Variants in CCDC93 observed in about 807,000 individuals in gnomAD.
CCDC93 encodes the protein coiled-coil domain-containing protein 93.
CCDC93 carries 61 observed loss-of-function variants against 108.2 expected under a neutral mutation model. The observed-to-expected ratio is 0.56, with a 90% confidence interval of 0.46 to 0.70. The LOEUF is 0.70. Among genes scored for constraint, CCDC93 ranks in the 30% least tolerant of loss-of-function variants. The pLI is 0.00. For synonymous variants in CCDC93, 276 were observed against 260.4 expected (o/e 1.06, Z -0.58); for missense variants, 685 against 764.2 (o/e 0.90, Z 1.22).
intron 23 of CCDC93, among the ~76,000 whole-genome samples, chr2:117,924,606 T>C (rs1045495054): frequency 2.6e-5 from 4 of 151,972 alleles, no homozygotes; most frequent in Middle Eastern, 3.2e-3. Flanking sequence ...ATGACCAAAG[T>C]CTCCAAGAAA....
In CCDC93 at chr2:117,915,965, C is replaced by CTA. The variant is rs1362931058; in HGVS notation, c.*4377_*4378insTA. ...TGGCCATAATGTATTTAACCATTCCCCTGTATTGGTGGCACTCTCCAACTT... is the reference window on the plus strand; with the variant it reads ...TGGCCATAATGTATTTAACCATTCCCTACTGTATTGGTGGCACTCTCCAACTT... On this transcript the variant is annotated 3_prime_UTR_variant, in exon 24 of 24. Transcript: ENST00000376300. 6.6e-6 allele frequency: 1 copy of CTA among 152,188 alleles called. No individual in the cohort carries two copies. The highest frequency in any genetic ancestry group is 2.4e-5 in the African/African-American group (1 of 41,442). The allele number at this position is 152,188 out of a possible 1,614,324, so 9.4% of individuals were successfully genotyped here. A position where few individuals can be genotyped will look rare whatever the true frequency, so the allele number is the denominator to read the frequency against.
chr2:117,920,351 C>T lies in CCDC93; in HGVS notation c.1888G>A (p.Ala630Thr), dbSNP rs766363594. The change falls in exon 24 of 24, where the codon GCC becomes ACC. Residue 630 changes from alanine (A) to threonine (T), a missense_variant. Coordinates refer to ENST00000376300, the MANE Select transcript of CCDC93 (RefSeq NM_019044.5). ...EMLLSKVKAK[A>T]S is the part of the protein sequence containing the mutation. ...GCCACGGCTGGGGATGTTCAGGAGGCCTTCGCTTTCACCTTGGACAGCAGC... is the reference window on the plus strand; with the variant it reads ...GCCACGGCTGGGGATGTTCAGGAGGTCTTCGCTTTCACCTTGGACAGCAGC... The T allele has an allele frequency of 3.7e-6, 6 of 1,612,364 alleles. No homozygotes were observed. In the East Asian group the frequency reaches 1.1e-4, roughly 30 times the overall value.
intron 11 of CCDC93, among the ~76,000 whole-genome samples, chr2:117,968,032 C>T (rs906898511): frequency 6.6e-6 from 1 of 152,154 alleles, no homozygotes; most frequent in Non-Finnish European, 1.5e-5. Context: ...AAATCTGTGC[C>T]TCTAGAGCTA....
chr2:117,934,933 C>T (rs1678474200), intron 22 of CCDC93: 1 of 152,206 alleles, frequency 6.6e-6, no homozygotes. Flanking sequence ...CCATGCTGCA[C>T]CCTGACTGAG....
rs563931974 is a variant in CCDC93 at position 117,948,530 on chromosome 2, T to G, written c.1143-344A>C. On this transcript the variant is annotated intron_variant, in intron 14 of 23. Transcript: ENST00000376300. ...GGGGCATATACAGTATTGAAAACTA[T>G]TTTTAAAATCCATTCTGAAAAGGAA... 3.3e-5 allele frequency among the ~76,000 whole-genome samples: 5 copies of G among 152,346 alleles called. No individual in the cohort carries two copies. In the East Asian group the frequency reaches 9.6e-4, roughly 29 times the overall value.
intron 18 of CCDC93, 81 bp downstream of exon 18, chr2:117,943,943 T>C (rs940109118): frequency 3.2e-6 from 3 of 930,960 alleles, no homozygotes; most frequent in African/African-American, 1.7e-5. Flanking sequence ...TTCTTAGATA[T>C]TGAGACTTTC....
chr2:117,981,839 C>A (rs1186928234), intron 7 of CCDC93, among the ~76,000 whole-genome samples: 2 of 152,158 alleles, frequency 1.3e-5, no homozygotes, highest in Non-Finnish European at 2.9e-5. Context: ...GGCTACCATA[C>A]TGGACACCAC....
intron 23 of CCDC93, among the ~76,000 whole-genome samples, chr2:117,923,722 A>G (rs1403353481): frequency 1.3e-5 from 2 of 152,174 alleles, no homozygotes; most frequent in African/African-American, 4.8e-5. Flanking sequence ...TAGCCAAACA[A>G]AAGGCAGCAG....
chr2:117,948,070 T>C (rs890608364), intron 15 of CCDC93, 35 bp downstream of exon 15: 17 of 1,504,762 alleles, frequency 1.1e-5, no homozygotes, highest in Non-Finnish European at 1.6e-5. Flanking sequence ...TCAATAAGCG[T>C]CCTGGTTTAT....
Position 117,949,847 on chromosome 2 carries a change from G to T in CCDC93, c.1069-452C>A, listed in dbSNP as rs952010064. ...AGAACACAAGAGTTTAACCTCACAG[G>T]CCAAAAAGGATGGTTAACAGACAGG... On this transcript the variant is annotated intron_variant, in intron 13 of 23. Coordinates refer to ENST00000376300, the MANE Select transcript of CCDC93 (RefSeq NM_019044.5). The T allele has an allele frequency of 3.0e-6, 3 of 985,234 alleles. No individual in the cohort carries two copies. The Admixed American group carries it at 1.8e-4, about 61-fold the overall frequency. 61.0% of individuals were successfully genotyped at this position (985,234 alleles called of 1,614,324 possible).
At position 118,006,796 on chromosome 2, in the gene CCDC93, C is replaced by G; in HGVS notation, c.177G>C (p.Trp59Cys). 2.5e-6 allele frequency: 4 copies of G among 1,607,602 alleles called. No individual in the cohort carries two copies. Among genetic ancestry groups the G allele is most frequent in the Non-Finnish European group, 3.4e-6 (4 of 1,174,170 alleles). The change falls in exon 3 of 24, where the codon TGG becomes TGC. Residue 59 changes from tryptophan (W) to cysteine (C), a missense_variant. Physicochemically the swap from Trp to Cys is radical, Grantham distance 215. Coordinates refer to ENST00000376300, the MANE Select transcript of CCDC93 (RefSeq NM_019044.5). Reference protein sequence around the residue: ...PFDKVVGGMTWCITTCNFDVD... With the variant: ...PFDKVVGGMTCCITTCNFDVD... ...CATCAAAGTTGCAAGTGGTGATACA[C>G]CAAGTCATTCCTCCTACTACCTGCA... is the stretch of plus-strand genomic sequence containing the variant.
At chr2:117,973,824 G>T in intron 11 of CCDC93, 84 bp downstream of exon 11, 2 of 1,028,552 alleles carry the variant, frequency 1.9e-6, no homozygotes, top group Non-Finnish European at 3.0e-6. Flanking sequence ...ACGGGGCACT[G>T]CTGGGGTAGT....
chr2:117,995,996 T>C (rs1224876331), intron 5 of CCDC93, among the ~76,000 whole-genome samples: 1 of 152,072 alleles, frequency 6.6e-6, no homozygotes, highest in African/African-American at 2.4e-5. Flanking sequence ...TAGGATGTTC[T>C]GGGCAAGTGG....
chr2:117,970,739 A>G (rs181530875), intron 11 of CCDC93, among the ~76,000 whole-genome samples: 237 of 152,256 alleles, frequency 1.6e-3, no homozygotes, highest in African/African-American at 5.5e-3. Context: ...CTTACACAGA[A>G]CCATCTTCGA....
chr2:118,013,514 G>A (rs1040282035), intron 1 of CCDC93, among the ~76,000 whole-genome samples: 5 of 152,164 alleles, frequency 3.3e-5, no homozygotes, highest in Admixed American at 2.0e-4. Flanking sequence ...GGCGGTAGAC[G>A]TCCCAAGGTC....
rs145937513 is a variant in CCDC93, at chr2:117,954,624, T to C, written c.1006-2189A>G. ...AACACCACCTCTCTGGATTTCTCTT[T>C]CTTTCATCACTCTCAGGTTTCCTCT... On this transcript the variant is annotated intron_variant, in intron 12 of 23. Transcript: ENST00000376300. 4.6e-5 allele frequency among the ~76,000 whole-genome samples: 7 copies of C among 152,322 alleles called. No homozygotes were observed. In the East Asian group the frequency reaches 1.4e-3, roughly 29 times the overall value.
At chr2:117,991,355 A>G (rs1323242585) in intron 6 of CCDC93, among the ~76,000 whole-genome samples, 2 of 152,186 alleles carry the variant, frequency 1.3e-5, no homozygotes, top group South Asian at 2.1e-4. Flanking sequence ...GACCCAGAGA[A>G]GCAATATCCC....
At chr2:117,954,590 C>T (rs1257854539) in intron 12 of CCDC93, among the ~76,000 whole-genome samples, 1 of 152,182 alleles carries the variant, frequency 6.6e-6, no homozygotes, top group Non-Finnish European at 1.5e-5. Flanking sequence ...AAAAATTCAG[C>T]TGCTGGTTAA....
At chr2:117,988,984 G>C (rs560325963) in intron 6 of CCDC93, among the ~76,000 whole-genome samples, 20 of 152,210 alleles carry the variant, frequency 1.3e-4, no homozygotes, top group African/African-American at 4.3e-4. Flanking sequence ...GATCACTGAG[G>C]GTTATATAAA....
Sources: allele counts gnomAD v4.1 joint callset (sites outside exome capture counted in the v4.1 genomes callset), GRCh38; gene constraint gnomAD v4.1.1; transcripts MANE v1.5; gene names NCBI Gene and HGNC (gene_info 2026-07-23, HGNC 2026-07-21).